Variants in IST1 observed in about 807,000 individuals in gnomAD.
IST1 encodes the protein IST1 homolog.
Under a neutral mutation model 37.0 loss-of-function variants are expected in IST1, and 23 were observed. That is an observed-to-expected ratio of 0.62 (90% CI 0.45 to 0.88). The LOEUF is 0.88. IST1 is among the 40% of genes least tolerant of loss of function. IST1 has a pLI of 0.00. For synonymous variants in IST1, 180 were observed against 161.7 expected (o/e 1.11, Z -0.86); for missense variants, 488 against 445.4 (o/e 1.10, Z -0.86).
At chr16:71,909,808 T>C (rs1236609837) in intron 1 of IST1, among the ~76,000 whole-genome samples, 1 of 152,232 alleles carries the variant, frequency 6.6e-6, no homozygotes, top group East Asian at 1.9e-4. Context: ...GTTTGGTGTA[T>C]CCGTGTTTAA....
chr16:71,921,646 T>A, intron 6 of IST1, 193 bp downstream of exon 6: 1 of 524,536 alleles, frequency 1.9e-6, no homozygotes, highest in East Asian at 3.1e-5. Flanking sequence ...GACAACACTT[T>A]GAGAAGGTCA....
At chr16:71,895,390 C>G (rs2036941423), upstream of IST1, 1 of 375,320 alleles carries the variant, frequency 2.7e-6, no homozygotes, top group South Asian at 1.0e-4. Context: ...CCAAAGGAAA[C>G]CGAGGGAGGG....
intron 1 of IST1, among the ~76,000 whole-genome samples, chr16:71,905,974 T>G (rs2037214425): frequency 6.6e-6 from 1 of 152,050 alleles, no homozygotes; most frequent in African/African-American, 2.4e-5. Flanking sequence ...AACACTTCCT[T>G]TCTGCATTAA....
chr16:71,916,388 T>A (rs2037466591), intron 2 of IST1, 74 bp from the exon 3 acceptor site: 1 of 1,428,830 alleles, frequency 7.0e-7, no homozygotes, highest in Non-Finnish European at 9.7e-7. Context: ...TTCTTCCTGT[T>A]GGGGGGAGAT....
upstream of IST1, chr16:71,895,431 C>T (rs2036942558): frequency 2.5e-6 from 2 of 793,150 alleles, no homozygotes; most frequent in Non-Finnish European, 1.5e-6. Context: ...GTCCCGGCAG[C>T]GGCGATCGCG....
chr16:71,901,806 A>G (rs2049159469), intron 1 of IST1, among the ~76,000 whole-genome samples: 1 of 152,256 alleles, frequency 6.6e-6, no homozygotes, highest in African/African-American at 2.4e-5. Flanking sequence ...TAATTAACAT[A>G]ATACATGAGC....
chr16:71,897,681 C>CCCTCA (rs2037004812), intron 1 of IST1, among the ~76,000 whole-genome samples: 1 of 152,196 alleles, frequency 6.6e-6, no homozygotes, highest in African/African-American at 2.4e-5. Context: ...CACGGTGGCT[C>CCCTCA]ACGCCTGTAA....
chr16:71,900,464 A>C (rs1002541996), intron 1 of IST1, among the ~76,000 whole-genome samples: 2 of 151,344 alleles, frequency 1.3e-5, no homozygotes, highest in Non-Finnish European at 2.9e-5. Context: ...ATATCCTAAG[A>C]GGAAGGACTC....
chr16:71,906,317 T>G (rs1029502272), intron 1 of IST1, among the ~76,000 whole-genome samples: 7 of 151,682 alleles, frequency 4.6e-5, no homozygotes, highest in Non-Finnish European at 1.0e-4. Context: ...TGTTTTGTTT[T>G]GTTTTTTGAG....
chr16:71,915,796 C>G (rs1380240137), intron 2 of IST1, 68 bp downstream of exon 2: 2 of 920,480 alleles, frequency 2.2e-6, no homozygotes, highest in Non-Finnish European at 3.5e-6. Flanking sequence ...ATGGGTCTTT[C>G]AGGCCAGTAC....
intron 1 of IST1, among the ~76,000 whole-genome samples, chr16:71,904,515 C>G (rs2037177659): frequency 6.6e-6 from 1 of 152,144 alleles, no homozygotes; most frequent in African/African-American, 2.4e-5. Flanking sequence ...TGGGCTTAAG[C>G]AGTTCTCCCA....
intron 8 of IST1, among the ~76,000 whole-genome samples, chr16:71,923,908 A>C (rs552118179): frequency 1.3e-5 from 2 of 152,230 alleles, no homozygotes; most frequent in African/African-American, 4.8e-5. Context: ...TAGGTGGTTC[A>C]GGTTACTTGT....
At chr16:71,905,033 ATTTTTGTT>A (rs1055124207) in intron 1 of IST1, among the ~76,000 whole-genome samples, 8 of 149,398 alleles carry the variant, frequency 5.4e-5, no homozygotes, top group African/African-American at 2.0e-4. Flanking sequence ...TTTGTGTAGT[ATTTTTGTT>A]TTTTTGTTTT....
At chr16:71,925,256 C>T (rs1010649471) in intron 9 of IST1, among the ~76,000 whole-genome samples, 1 of 151,438 alleles carries the variant, frequency 6.6e-6, no homozygotes, top group Non-Finnish European at 1.5e-5. Context: ...CTTGTGAGAT[C>T]CGCCTGCCTT....
At chr16:71,925,907 T>C (rs531745906) in intron 9 of IST1, among the ~76,000 whole-genome samples, 8 of 152,288 alleles carry the variant, frequency 5.3e-5, no homozygotes, top group Admixed American at 5.2e-4. Flanking sequence ...TACTCCAGCC[T>C]GGGGGACAAA....
chr16:71,921,936 G>C (rs1808350639), intron 6 of IST1, among the ~76,000 whole-genome samples: 1 of 152,204 alleles, frequency 6.6e-6, no homozygotes, highest in African/African-American at 2.4e-5. Flanking sequence ...AGGAGATCGA[G>C]ACCATCCTGG....
At chr16:71,922,929 T>G in intron 7 of IST1, 1 of 565,178 alleles carries the variant, frequency 1.8e-6, no homozygotes, top group Non-Finnish European at 3.1e-6. Flanking sequence ...TGAATATCTT[T>G]GGGATCTGTT....
At chr16:71,900,401 T>C (rs1339735244) in intron 1 of IST1, among the ~76,000 whole-genome samples, 2 of 150,030 alleles carry the variant, frequency 1.3e-5, no homozygotes, top group Non-Finnish European at 3.0e-5. Flanking sequence ...GATCACTACT[T>C]CTGGGCAGCT....
chr16:71,895,079 A>C (rs1597224310), upstream of IST1: 3 of 411,536 alleles, frequency 7.3e-6, no homozygotes, highest in Non-Finnish European at 8.9e-6. Context: ...AGGCTTCGAA[A>C]CCCCCTCGGC....
Sources: gnomAD v4.1 joint callset for allele counts (sites outside exome capture counted in the v4.1 genomes callset) on GRCh38, gnomAD v4.1.1 for gene constraint, MANE v1.5 for transcripts, NCBI Gene and HGNC (gene_info 2026-07-23, HGNC 2026-07-21) for gene names.